TRMT1L: variants seen among roughly 807,000 people sequenced by gnomAD.
TRMT1L encodes the protein tRNA methyltransferase 1L.
In TRMT1L, 28 loss-of-function variants were observed where a neutral mutation model predicts 81.6. The ratio of observed to expected loss-of-function variants is 0.34; its 90% CI spans 0.25 to 0.47. The LOEUF is 0.47. TRMT1L is among the 20% of genes least tolerant of loss of function. TRMT1L has a pLI of 1.00. For missense variants in TRMT1L, 739 were observed against 877.1 expected (o/e 0.84, Z 1.99); for synonymous variants, 301 against 303.2 (o/e 0.99, Z 0.07).
rs1179332938 is a variant in TRMT1L, at chr1:185,120,572, CTATA to C, written c.1823-67_1823-64del. The C allele has an allele frequency of 5.9e-6, 8 of 1,357,092 alleles. No individual in the cohort carries two copies. The Admixed American group carries it at 1.9e-4, about 32-fold the overall frequency. The allele number at this position is 1,357,092 out of a possible 1,614,324, so 84.1% of individuals were successfully genotyped here. ...AATTACAAGCCAAATACTTTTATAACTATATATTTATCTCAAGTATAAATCCTGA... is the reference window on the plus strand; with the variant it reads ...AATTACAAGCCAAATACTTTTATAACTATTTATCTCAAGTATAAATCCTGA... On this transcript the variant is annotated intron_variant, in intron 13 of 14. Transcript: ENST00000367506.
intron 7 of TRMT1L, among the ~76,000 whole-genome samples, chr1:185,140,573 G>A (rs1653011567): frequency 6.6e-6 from 1 of 151,856 alleles, no homozygotes; most frequent in African/African-American, 2.4e-5. Context: ...AGGGAGGATG[G>A]GAAGTTGGAA....
At position 185,125,605 on chromosome 1, in the gene TRMT1L, A is replaced by C. The variant is rs79127553; in HGVS notation, c.1593-495T>G. On this transcript the variant is annotated intron_variant, in intron 11 of 14. Coordinates refer to ENST00000367506, the MANE Select transcript of TRMT1L (RefSeq NM_030934.5). The stretch of plus-strand genomic sequence containing the variant: ...GGGGAGAAGGGAGAGGGTGATGAAG[A>C]GGGGTAAAAGAATATAAATGTATTT... Among the ~76,000 whole-genome samples, 387 of 152,356 alleles carry C rather than the reference A, an allele frequency of 2.5e-3. 3 individuals are homozygous for C. Among genetic ancestry groups the C allele is most frequent in the African/African-American group, 8.9e-3 (369 of 41,586 alleles).
chr1:185,127,001 A>AG (rs1652646198), intron 11 of TRMT1L, among the ~76,000 whole-genome samples: 1 of 152,250 alleles, frequency 6.6e-6, no homozygotes, highest in African/African-American at 2.4e-5. Flanking sequence ...TGCCTCAAAA[A>AG]TAAAAAATAA....
Position 185,119,857 on chromosome 1 carries a change from C to T in TRMT1L, c.*162G>A, listed in dbSNP as rs1355416604. 2.2e-6 allele frequency: 2 copies of T among 889,582 alleles called. No homozygotes were observed. The highest frequency in any genetic ancestry group is 2.6e-5 in the East Asian group (1 of 38,068). 55.1% of individuals were successfully genotyped at this position (889,582 alleles called of 1,614,324 possible). A position where few individuals can be genotyped will look rare whatever the true frequency, so the allele number is the denominator to read the frequency against. ...AAAAAAAAACTTGGAAAGCAAAGCT[C>T]CCAAACCAGCTAAGTTAGAAACTGC... On this transcript the variant is annotated 3_prime_UTR_variant, in exon 15 of 15. Transcript: ENST00000367506.
rs767113110 is a variant in TRMT1L, at chr1:185,124,901, G to C, written c.1759+43C>G. ...CAATTGAAAAAGATACAGTATTTTT[G>C]GTAAGCAGTTTAAAGCTAGTAAGCT... On this transcript the variant is annotated intron_variant, in intron 12 of 14. Transcript: ENST00000367506. 4.6e-6 allele frequency: 7 copies of C among 1,530,014 alleles called. No individual in the cohort carries two copies. The East Asian group carries it at 1.6e-4, about 35-fold the overall frequency. The allele number at this position is 1,530,014 out of a possible 1,614,324, so 94.8% of individuals were successfully genotyped here.
chr1:185,143,512 G>T, intron 6 of TRMT1L, 76 bp from the exon 7 acceptor site: 1 of 1,315,524 alleles, frequency 7.6e-7, no homozygotes, highest in Non-Finnish European at 1.1e-6. Flanking sequence ...TAAGAATAGT[G>T]AACTGAAGTT....
chr1:185,156,330 C>G lies in TRMT1L; in HGVS notation c.235+148G>C, dbSNP rs1320265536. On this transcript the variant is annotated intron_variant, in intron 1 of 14. Transcript: ENST00000367506. ...TCCCATTCTGTAACCCTGCTTTAGCCGCTACACGGGCCCCTCTTTCCTCCC... is the reference window on the plus strand; with the variant it reads ...TCCCATTCTGTAACCCTGCTTTAGCGGCTACACGGGCCCCTCTTTCCTCCC... 8.3e-6 allele frequency: 13 copies of G among 1,557,378 alleles called. No homozygotes were observed. In the Admixed American group the frequency reaches 1.6e-4, roughly 19 times the overall value.
chr1:185,139,220 C>T, intron 9 of TRMT1L, 147 bp downstream of exon 9: 1 of 569,522 alleles, frequency 1.8e-6, no homozygotes, highest in Non-Finnish European at 3.0e-6. Context: ...CAACAGATAC[C>T]ACGTAAGATT....
At chr1:185,150,724 A>G (rs891783020) in intron 2 of TRMT1L, among the ~76,000 whole-genome samples, 7 of 152,166 alleles carry the variant, frequency 4.6e-5, no homozygotes, top group Non-Finnish European at 7.3e-5. Flanking sequence ...TAGTGGATGC[A>G]TTTGTCGTTA....
chr1:185,157,260 T>A (rs922350829), upstream of TRMT1L: 3 of 152,534 alleles, frequency 2.0e-5, no homozygotes, highest in African/African-American at 7.3e-5. Flanking sequence ...GAGGCGGGGG[T>A]CCCTCTCCTT....
chr1:185,152,977 A>G (rs1251658762), intron 1 of TRMT1L, among the ~76,000 whole-genome samples: 2 of 152,226 alleles, frequency 1.3e-5, no homozygotes, highest in African/African-American at 4.8e-5. Flanking sequence ...AAACTATGAG[A>G]ATAAATAAGA....
chr1:185,147,297 T>C (rs752481921), intron 3 of TRMT1L, 51 bp from the exon 4 acceptor site: 38 of 1,354,648 alleles, frequency 2.8e-5, no homozygotes, highest in Non-Finnish European at 3.5e-5. Flanking sequence ...AATATTCAGT[T>C]ATCAAAAATT....
Position 185,156,639 on chromosome 1 carries a change from G to T in TRMT1L, c.74C>A (p.Pro25Gln), listed in dbSNP as rs892414003. The T allele has an allele frequency of 4.4e-6, 7 of 1,607,568 alleles. No individual in the cohort carries two copies. Among genetic ancestry groups the T allele is most frequent in the Non-Finnish European group, 5.9e-6 (7 of 1,177,272 alleles). The change falls in exon 1 of 15, where the codon CCG becomes CAG. Residue 25 changes from proline (P) to glutamine (Q), a missense_variant. Around this residue, in one of 4 missense-constraint regions of TRMT1L, gnomAD observed 209 missense variants for 165.4 expected, o/e 1.26. Coordinates refer to ENST00000367506, the MANE Select transcript of TRMT1L (RefSeq NM_030934.5). Reference protein sequence around the residue: ...EEVEVAQVQVPTPARDSAGVP... With the variant: ...EEVEVAQVQVQTPARDSAGVP... Reference sequence around the variant, plus strand: ...CCCAGCCGAGTCCCGGGCCGGGGTCGGGACCTGGACCTGGGCCACCTCCAC... The same window carrying T: ...CCCAGCCGAGTCCCGGGCCGGGGTCTGGACCTGGACCTGGGCCACCTCCAC...
In TRMT1L at chr1:185,119,231, A is replaced by C. The variant is rs756090120; in HGVS notation, c.*788T>G. The C allele has an allele frequency of 6.6e-6, 1 of 152,118 alleles. No individual in the cohort carries two copies. The highest frequency in any genetic ancestry group is 1.5e-5 in the Non-Finnish European group (1 of 68,002). The allele number at this position is 152,118 out of a possible 1,614,324, so 9.4% of individuals were successfully genotyped here. ...TTCTGAGAGGTAGTACAACCAACCA[A>C]ATGAATACTGTACGTGCATTAACTG... is the stretch of plus-strand genomic sequence containing the variant. On this transcript the variant is annotated 3_prime_UTR_variant, in exon 15 of 15. Coordinates refer to ENST00000367506, the MANE Select transcript of TRMT1L (RefSeq NM_030934.5).
At chr1:185,120,847 A>AT (rs200865186) in intron 13 of TRMT1L, 3,469 of 160,176 alleles carry the variant, frequency 0.022, 122 homozygotes, top group African/African-American at 0.077. Context: ...TTAAGTTGTC[A>AT]TTTTTTTTTC....
At chr1:185,155,792 C>A (rs1222710473) in intron 1 of TRMT1L, among the ~76,000 whole-genome samples, 2 of 152,172 alleles carry the variant, frequency 1.3e-5, no homozygotes, top group Non-Finnish European at 2.9e-5. Flanking sequence ...AACATGCAGG[C>A]ACATTCAGAA....
chr1:185,154,412 G>A (rs1401894553), intron 1 of TRMT1L, among the ~76,000 whole-genome samples: 2 of 152,116 alleles, frequency 1.3e-5, no homozygotes, highest in Non-Finnish European at 2.9e-5. Flanking sequence ...TCAGATACTG[G>A]TCAAATGAGT....
At chr1:185,122,680 T>A (rs2102227258) in intron 13 of TRMT1L, among the ~76,000 whole-genome samples, 1 of 144,398 alleles carries the variant, frequency 6.9e-6, no homozygotes, top group East Asian at 2.0e-4. Context: ...CTCTTAAATC[T>A]AATTTTTTTT....
At chr1:185,141,043 C>A (rs1168436773) in intron 7 of TRMT1L, among the ~76,000 whole-genome samples, 1 of 151,602 alleles carries the variant, frequency 6.6e-6, no homozygotes, top group Non-Finnish European at 1.5e-5. Context: ...ACCAAAAGGG[C>A]CCCTTTTCAC....
Sources: gnomAD v4.1 joint callset for allele counts (sites outside exome capture counted in the v4.1 genomes callset) on GRCh38, gnomAD v4.1.1 for gene constraint, gnomAD v4.1.1 regional missense constraint, MANE v1.5 for transcripts, NCBI Gene and HGNC (gene_info 2026-07-23, HGNC 2026-07-21) for gene names.